Variants in EPB42 observed in about 807,000 individuals in gnomAD.
EPB42 encodes protein 4.2.
In EPB42, 49 loss-of-function variants were observed where a neutral mutation model predicts 76.9. The observed-to-expected ratio is 0.64, with a 90% CI of 0.51 to 0.81. The LOEUF (loss-of-function observed/expected upper bound fraction) is 0.81, where lower values mean the gene tolerates loss of function less well. Ranked by LOEUF, EPB42 falls within the 30% of genes least tolerant of loss-of-function variation. EPB42 has a pLI of 0.00. For synonymous variants in EPB42, 310 were observed against 338.4 expected (o/e 0.92, Z 0.92); for missense variants, 731 against 867.6 (o/e 0.84, Z 1.98).
chr15:43,199,137 G>A (rs966552061), intron 12 of EPB42, among the ~76,000 whole-genome samples: 3 of 152,218 alleles, frequency 2.0e-5, no homozygotes, highest in African/African-American at 7.2e-5. Context: ...CTGGGGCACT[G>A]CCTAGTGGAG....
chr15:43,211,863 C>T (rs528617407), intron 3 of EPB42, among the ~76,000 whole-genome samples: 16 of 150,364 alleles, frequency 1.1e-4, no homozygotes, highest in Non-Finnish European at 2.1e-4. Context: ...GCCAGGAGTT[C>T]GAGACCAGCC....
At chr15:43,222,420 A>G (rs1283589467), upstream of EPB42, among the ~76,000 whole-genome samples, 1 of 152,226 alleles carries the variant, frequency 6.6e-6, no homozygotes. Context: ...TCAGTAAAAC[A>G]CTTGGAAACG....
Position 43,203,268 on chromosome 15 carries a change from T to C in EPB42, c.1626A>G (p.Ile542Met). The part of the protein sequence containing the change: ...HLTLSANLEK[I>M]ITIGLFFSNF... ...TGGAGAAGAACAGGCCGATGGTTAT[T>C]ATCTTTTCTGAAACACATGACAGGT... The change falls in exon 11 of 13, where the codon ATA becomes ATG. Residue 542 changes from isoleucine to methionine, a missense_variant. Physicochemically the swap from Ile to Met is conservative, Grantham distance 10 (BLOSUM62 1). Coordinates refer to ENST00000441366, the MANE Select transcript of EPB42 (RefSeq NM_001114134.2). 6.2e-7 allele frequency: 1 copy of C among 1,614,158 alleles called. No individual in the cohort carries two copies. The highest frequency in any genetic ancestry group is 8.5e-7 in the Non-Finnish European group (1 of 1,180,030).
chr15:43,212,383 A>G (rs1482256811), intron 3 of EPB42, among the ~76,000 whole-genome samples: 2 of 148,754 alleles, frequency 1.3e-5, no homozygotes, highest in Admixed American at 6.6e-5. Context: ...AAAAAAAAAA[A>G]AAAGAAAAAA....
intron 3 of EPB42, among the ~76,000 whole-genome samples, chr15:43,212,727 C>T (rs1201391869): frequency 6.6e-6 from 1 of 152,136 alleles, no homozygotes; most frequent in Admixed American, 6.5e-5. Context: ...CTGCTTTCCT[C>T]ATCCTAGGGT....
At chr15:43,213,161 G>A (rs923855131) in intron 3 of EPB42, among the ~76,000 whole-genome samples, 13 of 152,076 alleles carry the variant, frequency 8.5e-5, no homozygotes, top group African/African-American at 3.1e-4. Context: ...TTCAAACTGA[G>A]GTGTTTGGCC....
At chr15:43,207,079 C>T (rs986543437) in intron 9 of EPB42, 120 bp downstream of exon 9, 1 of 1,469,142 alleles carries the variant, frequency 6.8e-7, no homozygotes, top group Non-Finnish European at 9.3e-7. Flanking sequence ...GTTGAGAAAC[C>T]CTGTTTTATA....
chr15:43,221,821 TAAA>T (rs56939497), upstream of EPB42, among the ~76,000 whole-genome samples: 8 of 107,436 alleles, frequency 7.4e-5, no homozygotes, highest in East Asian at 2.6e-4. Context: ...TCTTATTATG[TAAA>T]AAAAAAAAAA....
upstream of EPB42, among the ~76,000 whole-genome samples, chr15:43,223,838 G>T (rs1304934749): frequency 6.6e-6 from 1 of 152,202 alleles, no homozygotes; most frequent in Admixed American, 6.5e-5. Flanking sequence ...GCCAGACATG[G>T]TGGTGGGTGC....
chr15:43,210,456 A>G lies in EPB42; in HGVS notation c.550-17T>C. The G allele has an allele frequency of 6.2e-7, 1 of 1,611,092 alleles. No homozygotes were observed. Among genetic ancestry groups the G allele is most frequent in the South Asian group, 1.1e-5 (1 of 91,038 alleles). The stretch of plus-strand genomic sequence containing the variant: ...CCCCTCGAACTGTTAAGGATCACAC[A>G]GGGCCATGATGAAGGGTCCCCACAC... On this transcript the variant is annotated splice_polypyrimidine_tract_variant and intron_variant, in intron 4 of 12. Transcript: ENST00000441366.
chr15:43,212,452 T>C (rs2042315829), intron 3 of EPB42, among the ~76,000 whole-genome samples: 1 of 151,586 alleles, frequency 6.6e-6, no homozygotes, highest in East Asian at 1.9e-4. Flanking sequence ...CCTGGATAAA[T>C]TGGCAACAGG....
intron 8 of EPB42, 66 bp downstream of exon 8, chr15:43,208,164 A>G: frequency 6.9e-7 from 1 of 1,442,870 alleles, no homozygotes; most frequent in Non-Finnish European, 9.7e-7. Context: ...GCTGCTCCCG[A>G]GTCCTCTCTG....
intron 2 of EPB42, 124 bp downstream of exon 2, chr15:43,216,144 C>T (rs2042375054): frequency 2.5e-6 from 3 of 1,209,610 alleles, no homozygotes; most frequent in Non-Finnish European, 3.6e-6. Context: ...GCCAGGTGGG[C>T]AGGACTTCTT....
upstream of EPB42, among the ~76,000 whole-genome samples, chr15:43,221,491 C>T (rs1270627096): frequency 6.6e-6 from 1 of 152,182 alleles, no homozygotes; most frequent in African/African-American, 2.4e-5. Context: ...GGACCCTCTA[C>T]CAGAGAAGGT....
chr15:43,220,934 G>T lies in EPB42; in HGVS notation c.-109C>A. 2 of 1,036,406 alleles carry T rather than the reference G, an allele frequency of 1.9e-6. No homozygotes were observed. The highest frequency in any genetic ancestry group is 3.0e-6 in the Non-Finnish European group (2 of 672,938). 64.2% of individuals were successfully genotyped at this position (1,036,406 alleles called of 1,614,324 possible). On this transcript the variant is annotated 5_prime_UTR_variant, in exon 1 of 13. Coordinates refer to ENST00000441366, the MANE Select transcript of EPB42 (RefSeq NM_001114134.2). ...TGTCTTCCAGACAGAAAATATGAAGGCACTTTTGTTGGCTTAAGAATCTGG... is the reference window on the plus strand; with the variant it reads ...TGTCTTCCAGACAGAAAATATGAAGTCACTTTTGTTGGCTTAAGAATCTGG...
chr15:43,205,422 C>A (rs762101719), intron 10 of EPB42, among the ~76,000 whole-genome samples: 1 of 152,036 alleles, frequency 6.6e-6, no homozygotes, highest in Non-Finnish European at 1.5e-5. Flanking sequence ...CTTTTTGAGA[C>A]GGAGTGTCAC....
chr15:43,220,878 A>C lies in EPB42; in HGVS notation c.-53T>G. ...TGGCCGCAGAAAGCGCCTCTCTCAAACTGTTGCTTCTGGGCTCCTTCTGGG... is the reference window on the plus strand; with the variant it reads ...TGGCCGCAGAAAGCGCCTCTCTCAACCTGTTGCTTCTGGGCTCCTTCTGGG... On this transcript the variant is annotated 5_prime_UTR_variant, in exon 1 of 13. Coordinates refer to ENST00000441366, the MANE Select transcript of EPB42 (RefSeq NM_001114134.2). 3 of 1,501,724 alleles carry C rather than the reference A, an allele frequency of 2.0e-6. No homozygotes were observed. Among genetic ancestry groups the C allele is most frequent in the Non-Finnish European group, 2.8e-6 (3 of 1,087,466 alleles). 93.0% of individuals were successfully genotyped at this position (1,501,724 alleles called of 1,614,324 possible).
intron 12 of EPB42, 60 bp downstream of exon 12, chr15:43,201,784 G>C: frequency 6.2e-7 from 1 of 1,610,506 alleles, no homozygotes; most frequent in Non-Finnish European, 8.5e-7. Flanking sequence ...TCTCTCTTGG[G>C]CCCTGCCTTT....
intron 3 of EPB42, among the ~76,000 whole-genome samples, chr15:43,214,168 A>C (rs1230358874): frequency 6.6e-6 from 1 of 152,236 alleles, no homozygotes; most frequent in Non-Finnish European, 1.5e-5. Flanking sequence ...CCAAGGTTGA[A>C]GGTGGGTGAG....
Sources: gnomAD v4.1 joint callset for allele counts (sites outside exome capture counted in the v4.1 genomes callset) on GRCh38, gnomAD v4.1.1 for gene constraint, MANE v1.5 for transcripts, NCBI Gene and HGNC (gene_info 2026-07-23, HGNC 2026-07-21) for gene names.